The following FRMPD4 variants were observed in gnomAD, a reference collection of about 807,000 sequenced individuals.
FRMPD4 encodes FERM and PDZ domain containing 4.
Under a neutral mutation model 94.1 loss-of-function variants are expected in FRMPD4, and 22 were observed. The observed-to-expected ratio is 0.23, with a 90% CI of 0.17 to 0.33. FRMPD4 has a LOEUF of 0.33. FRMPD4 is among the 10% of genes least tolerant of loss of function. The pLI, the probability that FRMPD4 is intolerant of heterozygous loss-of-function variation, is 1.00. For missense variants in FRMPD4, 1,111 were observed against 1,339.9 expected (o/e 0.83, Z 2.67); for synonymous variants, 631 against 548.6 (o/e 1.15, Z -2.10).
At chrX:12,533,564 A>G (rs952818391) in intron 2 of FRMPD4, among the ~76,000 whole-genome samples, 1 of 112,133 alleles carries the variant, frequency 8.9e-6, no homozygotes, top group Non-Finnish European at 1.9e-5. Context: ...CAAAATGCTG[A>G]TAATGATATG....
chrX:11,977,749 T>C (rs1404539688), intron 3 of FRMPD4, among the ~76,000 whole-genome samples: 1 of 111,453 alleles, frequency 9.0e-6, no homozygotes, highest in African/African-American at 3.3e-5. Flanking sequence ...TTCCAGGCTA[T>C]AGGTAGATTT....
At chrX:11,832,923 A>T (rs1375037788) in intron 1 of FRMPD4, among the ~76,000 whole-genome samples, 3 of 111,874 alleles carry the variant, frequency 2.7e-5, no homozygotes, top group African/African-American at 9.7e-5. Flanking sequence ...ATATAATGAC[A>T]TATATCCACT....
At chrX:12,588,399 C>T (rs1218576685) in intron 2 of FRMPD4, among the ~76,000 whole-genome samples, 2 of 112,416 alleles carry the variant, frequency 1.8e-5, no homozygotes, top group African/African-American at 6.5e-5. Context: ...ACATAATACA[C>T]CTCATGATGC....
intron 2 of FRMPD4, among the ~76,000 whole-genome samples, chrX:12,541,985 A>G (rs749963518): frequency 8.9e-6 from 1 of 112,498 alleles, no homozygotes; most frequent in African/African-American, 3.2e-5. Context: ...ACCAAAGACA[A>G]AAACCACATG....
At chrX:12,351,065 G>A (rs1207403844) in intron 1 of FRMPD4, among the ~76,000 whole-genome samples, 1 of 110,134 alleles carries the variant, frequency 9.1e-6, no homozygotes, top group African/African-American at 3.3e-5. Context: ...TCAGCTACTC[G>A]GGAGGCTGAG....
At chrX:11,837,857 C>T (rs1601794109) in intron 1 of FRMPD4, among the ~76,000 whole-genome samples, 1 of 111,314 alleles carries the variant, frequency 9.0e-6, no homozygotes, top group Non-Finnish European at 1.9e-5. Context: ...TCTCACCAAC[C>T]TTATTCCTAT....
chrX:12,230,997 TATATA>T (rs773214682), intron 1 of FRMPD4, among the ~76,000 whole-genome samples: 3 of 59,263 alleles, frequency 5.1e-5, no homozygotes, highest in African/African-American at 1.9e-4. Context: ...ATATATAGTA[TATATA>T]ATATATAGTA....
At chrX:11,990,256 C>G (rs1255388406) in intron 3 of FRMPD4, among the ~76,000 whole-genome samples, 2 of 111,860 alleles carry the variant, frequency 1.8e-5, no homozygotes, top group Admixed American at 9.5e-5. Context: ...CCATAATAGG[C>G]AAACCCATAC....
chrX:12,609,952 A>G (rs2148417981), intron 3 of FRMPD4, 71 bp downstream of exon 3: 2 of 954,251 alleles, frequency 2.1e-6, no homozygotes, highest in East Asian at 6.2e-5. Context: ...ACTACTGTTC[A>G]GTTTCATAAG....
At chrX:11,964,296 A>G (rs2054299189) in intron 3 of FRMPD4, among the ~76,000 whole-genome samples, 1 of 110,112 alleles carries the variant, frequency 9.1e-6, no homozygotes, top group African/African-American at 3.3e-5. Flanking sequence ...AGTAGCTGGG[A>G]CTACACGTGC....
At chrX:11,884,691 T>C (rs2053835923) in intron 3 of FRMPD4, among the ~76,000 whole-genome samples, 1 of 111,569 alleles carries the variant, frequency 9.0e-6, no homozygotes, top group Admixed American at 9.6e-5. Context: ...TAAGAGATAA[T>C]TGAGTTACCC....
intron 1 of FRMPD4, among the ~76,000 whole-genome samples, chrX:12,428,270 A>G (rs2056974093): frequency 9.0e-6 from 1 of 111,486 alleles, no homozygotes; most frequent in Non-Finnish European, 1.9e-5. Flanking sequence ...CAAGTATCAC[A>G]GTATGATTAT....
intron 3 of FRMPD4, among the ~76,000 whole-genome samples, chrX:11,912,619 T>C (rs1340709062): frequency 8.9e-6 from 1 of 111,762 alleles, no homozygotes; most frequent in East Asian, 2.8e-4. Context: ...TTTTGAACTT[T>C]GCCTGTGGAT....
At chrX:12,346,540 C>T (rs1019341641) in intron 1 of FRMPD4, among the ~76,000 whole-genome samples, 4 of 111,466 alleles carry the variant, frequency 3.6e-5, no homozygotes, top group Non-Finnish European at 5.6e-5. Flanking sequence ...AGAACCGCTG[C>T]GTAGATTATT....
At chrX:12,580,812 T>C (rs2058857518) in intron 2 of FRMPD4, among the ~76,000 whole-genome samples, 1 of 111,895 alleles carries the variant, frequency 8.9e-6, no homozygotes, top group Admixed American at 9.4e-5. Context: ...CTAATGGGTG[T>C]GTAGTATATA....
intron 3 of FRMPD4, among the ~76,000 whole-genome samples, chrX:12,009,133 A>G (rs1003801274): frequency 4.5e-5 from 5 of 112,271 alleles, no homozygotes; most frequent in African/African-American, 1.6e-4. Context: ...GAGCCATTTC[A>G]GTAGATCTTG....
chrX:12,634,529 G>A (rs1205724092), intron 4 of FRMPD4, among the ~76,000 whole-genome samples: 1 of 111,804 alleles, frequency 8.9e-6, no homozygotes, highest in Non-Finnish European at 1.9e-5. Context: ...GCACTTCAGG[G>A]TATCTGGGTA....
intron 3 of FRMPD4, among the ~76,000 whole-genome samples, chrX:12,036,482 G>C (rs1329432590): frequency 1.8e-5 from 2 of 112,171 alleles, no homozygotes; most frequent in Non-Finnish European, 3.8e-5. Context: ...TTGAGAACAA[G>C]TGAGAACATT....
At chrX:12,229,603 T>G (rs1283717334) in intron 1 of FRMPD4, among the ~76,000 whole-genome samples, 2 of 111,866 alleles carry the variant, frequency 1.8e-5, no homozygotes, top group Non-Finnish European at 3.8e-5. Flanking sequence ...CTTAATTGAA[T>G]GGTTTCTGTC....
Sources: gnomAD v4.1 joint callset for allele counts (sites outside exome capture counted in the v4.1 genomes callset) on GRCh38, gnomAD v4.1.1 for gene constraint, MANE v1.5 for transcripts, NCBI Gene and HGNC (gene_info 2026-07-23, HGNC 2026-07-21) for gene names.